SALL3: variants seen among roughly 807,000 people sequenced by gnomAD.
The protein encoded by SALL3 is spalt like transcription factor 3.
In SALL3, 25 loss-of-function variants were observed where a neutral mutation model predicts 66.2. The observed-to-expected ratio is 0.38, with a 90% confidence interval of 0.28 to 0.53. The LOEUF is 0.53. Among genes scored for constraint, SALL3 ranks in the 20% least tolerant of loss-of-function variants. SALL3 has a pLI of 0.85. For missense variants in SALL3, 2,194 were observed against 1,916.5 expected (o/e 1.14, Z -2.70); for synonymous variants, 1,152 against 899.1 (o/e 1.28, Z -5.03).
chr18:78,994,903 G>A lies in SALL3; in HGVS notation c.2912G>A (p.Arg971Gln), dbSNP rs1289267802. ...AGCCTGCTGTTCCTGAGCAGGGAGC[G>A]GGGTAAGTGTCCCAGCACTGTGTGT... is the stretch of plus-strand genomic sequence containing the variant. ...PFSLLFLSRERGKCPSTVCGV... is the reference protein window; with the variant it reads ...PFSLLFLSREQGKCPSTVCGV... The change falls in exon 2 of 3, where the codon CGG becomes CAG. Residue 971 changes from arginine to glutamine, a missense_variant. By Grantham distance (43) the Arg-to-Gln change is conservative (BLOSUM62 1). Transcript: ENST00000537592. The A allele has an allele frequency of 1.2e-6, 2 of 1,612,844 alleles. No individual in the cohort carries two copies. The highest frequency in any genetic ancestry group is 1.7e-6 in the Non-Finnish European group (2 of 1,179,752).
In SALL3 at chr18:78,992,373, G is replaced by A. The variant is rs1487957601; in HGVS notation, c.382G>A (p.Glu128Lys). The change falls in exon 2 of 3, where the codon GAG becomes AAG. Residue 128 changes from glutamate to lysine, a missense_variant. Physicochemically the swap from Glu to Lys is moderately conservative, Grantham distance 56 (BLOSUM62 1). Transcript: ENST00000537592. ...CGCGGAGGGCGAGGCCAGGCCGGTG[G>A]AGAAGGAGGCCGAGCCCATGGACGC... ...EGAEGEARPV[E>K]KEAEPMDAEP... 1.8e-5 allele frequency: 24 copies of A among 1,334,566 alleles called. No homozygotes were observed. The highest frequency in any genetic ancestry group is 2.3e-5 in the Non-Finnish European group (24 of 1,049,174). The allele number at this position is 1,334,566 out of a possible 1,614,324, so 82.7% of individuals were successfully genotyped here. A position where few individuals can be genotyped will look rare whatever the true frequency, so the allele number is the denominator to read the frequency against.
chr18:78,982,825 T>C (rs1914117724), intron 1 of SALL3, among the ~76,000 whole-genome samples: 1 of 152,174 alleles, frequency 6.6e-6, no homozygotes, highest in Non-Finnish European at 1.5e-5. Flanking sequence ...GACATATTAA[T>C]TAAAGCAGCA....
chr18:78,993,904 C>A lies in SALL3; in HGVS notation c.1913C>A (p.Ala638Asp). The A allele has an allele frequency of 1.3e-6, 2 of 1,593,318 alleles. No individual in the cohort carries two copies. Among genetic ancestry groups the A allele is most frequent in the South Asian group, 1.1e-5 (1 of 88,580 alleles). The change falls in exon 2 of 3, where the codon GCC (alanine) becomes GAC (aspartate). Residue 638 changes from alanine to aspartate, a missense_variant. Transcript: ENST00000537592. ...AGCCTCGGCAGCCCCGGGCTGCCCG[C>A]CGTCTCCGAGCAGTTCAAGGCCCAG... ...PTSLGSPGLP[A>D]VSEQFKAQFP...
At chr18:78,995,862 G>C (rs983619025) in intron 2 of SALL3, among the ~76,000 whole-genome samples, 3 of 152,142 alleles carry the variant, frequency 2.0e-5, no homozygotes, top group African/African-American at 4.8e-5. Context: ...AATCCGCTGT[G>C]GGGGGAACAG....
Position 78,997,023 on chromosome 18 carries a change from G to C in SALL3, c.3604G>C (p.Ala1202Pro), listed in dbSNP as rs750734311. The C allele has an allele frequency of 1.9e-6, 3 of 1,614,106 alleles. No individual in the cohort carries two copies. In the Admixed American group the frequency reaches 5.0e-5, roughly 27 times the overall value. ...TGAAATGTTCCAGAAGGACCTGGCAGCTCGGGCAATGAACGTCGACCCCAG... is the reference window on the plus strand; with the variant it reads ...TGAAATGTTCCAGAAGGACCTGGCACCTCGGGCAATGAACGTCGACCCCAG... ...FSEMFQKDLA[A>P]RAMNVDPSFW... Residue 1202 changes from alanine to proline, a missense_variant, in exon 3 of 3, where the codon GCT becomes CCT. Physicochemically the swap from Ala to Pro is conservative, Grantham distance 27. Coordinates refer to ENST00000537592, the MANE Select transcript of SALL3 (RefSeq NM_171999.4).
At chr18:78,996,816 G>C in intron 2 of SALL3, 75 bp from the exon 3 acceptor site, 1 of 1,452,048 alleles carries the variant, frequency 6.9e-7, no homozygotes, top group Non-Finnish European at 9.3e-7. Flanking sequence ...ACCTCTGTCT[G>C]CTGCGCTGGA....
rs762731417 is a variant in SALL3 at position 78,994,879 on chromosome 18, G to A, written c.2888G>A (p.Ser963Asn). ...GGCATCAAGGAGGAGGCGCCCTTCA[G>A]CCTGCTGTTCCTGAGCAGGGAGCGG... Reference protein sequence around the residue: ...RAGIKEEAPFSLLFLSRERGK... With the variant: ...RAGIKEEAPFNLLFLSRERGK... The change falls in exon 2 of 3, where the codon AGC becomes AAC. Residue 963 changes from serine to asparagine, a missense_variant. Coordinates refer to ENST00000537592, the MANE Select transcript of SALL3 (RefSeq NM_171999.4). 5.2e-5 allele frequency: 83 copies of A among 1,609,796 alleles called. No homozygotes were observed. The highest frequency in any genetic ancestry group is 1.6e-4 in the Middle Eastern group (1 of 6,078).
At position 78,994,037 on chromosome 18, in the gene SALL3, C is replaced by T. The variant is rs1460451533; in HGVS notation, c.2046C>T (p.Val682=). 3 of 1,612,640 alleles carry T rather than the reference C, an allele frequency of 1.9e-6. No individual in the cohort carries two copies. The highest frequency in any genetic ancestry group is 2.5e-6 in the Non-Finnish European group (3 of 1,179,948). ...DKKMTDPNQC[V]ICHRVLSCQS... ...AGATGACGGACCCGAACCAGTGCGT[C>T]ATCTGCCACCGGGTGCTGAGCTGCC... The change falls in exon 2 of 3, where the codon GTC becomes GTT. Residue 682 remains valine, a synonymous_variant. Transcript: ENST00000537592.
Position 78,997,074 on chromosome 18 carries a change from A to G in SALL3, c.3655A>G (p.Ile1219Val), listed in dbSNP as rs1411558311. 2.5e-5 allele frequency: 41 copies of G among 1,614,040 alleles called. No individual in the cohort carries two copies. The highest frequency in any genetic ancestry group is 3.2e-5 in the Non-Finnish European group (38 of 1,180,052). ...TTTTTGGAACCAGTATGCTGCAGCCATCACTAACGGGCTCGCCATGAAGAA... is the reference window on the plus strand; with the variant it reads ...TTTTTGGAACCAGTATGCTGCAGCCGTCACTAACGGGCTCGCCATGAAGAA... ...PSFWNQYAAAITNGLAMKNNE... is the reference protein window; with the variant it reads ...PSFWNQYAAAVTNGLAMKNNE... Residue 1219 changes from isoleucine (I) to valine (V), a missense_variant, in exon 3 of 3, where the codon ATC (isoleucine) becomes GTC (valine). Coordinates refer to ENST00000537592, the MANE Select transcript of SALL3 (RefSeq NM_171999.4).
In SALL3 at chr18:78,995,030, G is replaced by A. The variant is rs781077253; in HGVS notation, c.3039G>A (p.Gly1013=). 2.5e-6 allele frequency: 4 copies of A among 1,613,852 alleles called. No homozygotes were observed. Among genetic ancestry groups the A allele is most frequent in the East Asian group, 2.2e-5 (1 of 44,870 alleles). The stretch of plus-strand genomic sequence containing the variant: ...TCGTCTGCGCGCTCTGCAGGCGAGG[G>A]TGCTCCACTATGGGTAATTTAAAAC... ...RPFVCALCRR[G]CSTMGNLKQH... is the part of the protein sequence containing the mutation. The change falls in exon 2 of 3, where the codon GGG becomes GGA. Residue 1013 remains glycine (G), a synonymous_variant. Transcript: ENST00000537592.
Position 78,994,601 on chromosome 18 carries a change from G to C in SALL3, c.2610G>C (p.Gly870=). Residue 870 remains glycine (G), a synonymous_variant, in exon 2 of 3, where the codon GGG becomes GGC. Coordinates refer to ENST00000537592, the MANE Select transcript of SALL3 (RefSeq NM_171999.4). The stretch of plus-strand genomic sequence containing the variant: ...TCAAGTCCGTGGAGAACGGGTCCGG[G>C]GAGAGTGACCGCCTGAGCAACGACT... ...TGLKSVENGS[G]ESDRLSNDSS... 6.2e-7 allele frequency: 1 copy of C among 1,610,156 alleles called. No homozygotes were observed. The highest frequency in any genetic ancestry group is 8.5e-7 in the Non-Finnish European group (1 of 1,178,252).
At chr18:78,988,044 TGTTGTTACA>T (rs1411245716) in intron 1 of SALL3, among the ~76,000 whole-genome samples, 4 of 152,272 alleles carry the variant, frequency 2.6e-5, no homozygotes, top group African/African-American at 9.6e-5. Context: ...ACTGTTGTAC[TGTTGTTACA>T]GTGCCTCGCT....
At position 78,988,125 on chromosome 18, in the gene SALL3, T is replaced by G. The variant is rs1246838901; in HGVS notation, c.83-3949T>G. Among the ~76,000 whole-genome samples, 3 of 152,244 alleles carry G rather than the reference T, an allele frequency of 2.0e-5. No homozygotes were observed. The East Asian group carries it at 5.8e-4, about 29-fold the overall frequency. The stretch of plus-strand genomic sequence containing the variant: ...TATTAATTAATGTAATAACTTCTAT[T>G]TTTGGAACATGCATACAGGCCAGTT... On this transcript the variant is annotated intron_variant, in intron 1 of 2. Transcript: ENST00000537592.
chr18:78,993,267 G>T lies in SALL3; in HGVS notation c.1276G>T (p.Ala426Ser), dbSNP rs778108632. ...CTTCAAGCACAAATGCCGCTTCTGC[G>T]CCAAGGTCTTCGGCAGCGACAGCGC... ...PFFKHKCRFCAKVFGSDSALQ... is the reference protein window; with the variant it reads ...PFFKHKCRFCSKVFGSDSALQ... The change falls in exon 2 of 3, where the codon GCC (alanine) becomes TCC (serine). Residue 426 changes from alanine (A) to serine (S), a missense_variant. Physicochemically the swap from Ala to Ser is moderately conservative, Grantham distance 99. Transcript: ENST00000537592. 2 of 1,610,458 alleles carry T rather than the reference G, an allele frequency of 1.2e-6. No homozygotes were observed. Among genetic ancestry groups the T allele is most frequent in the South Asian group, 1.1e-5 (1 of 90,958 alleles).
Position 78,993,279 on chromosome 18 carries a change from G to T in SALL3, c.1288G>T (p.Gly430Cys). ...ATGCCGCTTCTGCGCCAAGGTCTTCGGCAGCGACAGCGCGCTCCAGATCCA... is the reference window on the plus strand; with the variant it reads ...ATGCCGCTTCTGCGCCAAGGTCTTCTGCAGCGACAGCGCGCTCCAGATCCA... ...HKCRFCAKVF[G>C]SDSALQIHLR... Residue 430 changes from glycine (G) to cysteine (C), a missense_variant, in exon 2 of 3, where the codon GGC (glycine) becomes TGC (cysteine). Coordinates refer to ENST00000537592, the MANE Select transcript of SALL3 (RefSeq NM_171999.4). The T allele has an allele frequency of 6.2e-7, 1 of 1,610,786 alleles. No homozygotes were observed. Among genetic ancestry groups the T allele is most frequent in the Non-Finnish European group, 8.5e-7 (1 of 1,179,586 alleles).
At position 78,994,584 on chromosome 18, in the gene SALL3, G is replaced by T. The variant is rs139777889; in HGVS notation, c.2593G>T (p.Val865Leu). Residue 865 changes from valine (V) to leucine (L), a missense_variant, in exon 2 of 3, where the codon GTG (valine) becomes TTG (leucine). Transcript: ENST00000537592. ...SCQQLTGLKS[V>L]ENGSGESDRL... ...CCAGCAGCTGACCGGCCTCAAGTCC[G>T]TGGAGAACGGGTCCGGGGAGAGTGA... 5.0e-6 allele frequency: 8 copies of T among 1,610,998 alleles called. No homozygotes were observed. Among genetic ancestry groups the T allele is most frequent in the South Asian group, 2.2e-5 (2 of 90,980 alleles).
intron 1 of SALL3, among the ~76,000 whole-genome samples, chr18:78,981,314 A>T (rs927509978): frequency 6.6e-6 from 1 of 152,176 alleles, no homozygotes; most frequent in African/African-American, 2.4e-5. Flanking sequence ...GCCAGGAAAG[A>T]GGGCCGAGGA....
Position 78,993,789 on chromosome 18 carries a change from A to C in SALL3, c.1798A>C (p.Ser600Arg). The C allele has an allele frequency of 6.4e-7, 1 of 1,552,364 alleles. No individual in the cohort carries two copies. Among genetic ancestry groups the C allele is most frequent in the Non-Finnish European group, 8.6e-7 (1 of 1,156,422 alleles). ...GCCCCTCACTAAAGCCGAGCCCGTC[A>C]GCCTGCCCTGCACCAACGCCAGGGC... ...GPPLTKAEPV[S>R]LPCTNARAGD... The change falls in exon 2 of 3, where the codon AGC becomes CGC. Residue 600 changes from serine to arginine, a missense_variant. By Grantham distance (110) the Ser-to-Arg change is moderately radical (BLOSUM62 -1). Coordinates refer to ENST00000537592, the MANE Select transcript of SALL3 (RefSeq NM_171999.4).
intron 1 of SALL3, among the ~76,000 whole-genome samples, chr18:78,990,685 C>G (rs1249117663): frequency 6.6e-6 from 1 of 152,180 alleles, no homozygotes; most frequent in Non-Finnish European, 1.5e-5. Context: ...GTTTTGTTCT[C>G]ACACTCAACT....
Sources: allele counts gnomAD v4.1 joint callset (sites outside exome capture counted in the v4.1 genomes callset), GRCh38; gene constraint gnomAD v4.1.1; transcripts MANE v1.5; gene names NCBI Gene and HGNC (gene_info 2026-07-23, HGNC 2026-07-21).